CD55: variants seen among roughly 807,000 people sequenced by gnomAD.
CD55 encodes CD55 molecule (Cromer blood group).
A neutral mutation model predicts 45.8 loss-of-function variants in CD55; 41 were observed. The observed-to-expected ratio is 0.90, with a 90% CI of 0.70 to 1.16. CD55 has a LOEUF of 1.16. Ranked by LOEUF, CD55 falls within the 50% of genes most tolerant of loss-of-function variation. CD55 has a pLI of 0.00. For synonymous variants in CD55, 181 were observed against 181.1 expected (o/e 1.00, Z 0.01); for missense variants, 416 against 469.8 (o/e 0.89, Z 1.06).
rs531436436 is a variant in CD55 at position 207,324,330 on chromosome 1, ATG to A, written c.287-223_287-222del. Among the ~76,000 whole-genome samples, 212 of 151,652 alleles carry A rather than the reference ATG, an allele frequency of 1.4e-3. 1 individual carries two copies. The highest frequency in any genetic ancestry group is 4.0e-3 in the African/African-American group (167 of 41,338). ...TTTTTTTTTAAGTGGGGATAGTGAT[ATG>A]TGTGTACCAACTCTACTTCCTAAGC... On this transcript the variant is annotated intron_variant, in intron 2 of 9. Coordinates refer to ENST00000367064, the MANE Select transcript of CD55 (RefSeq NM_000574.5).
chr1:207,353,642 A>T (rs1655972440), intron 9 of CD55, among the ~76,000 whole-genome samples: 1 of 152,200 alleles, frequency 6.6e-6, no homozygotes. Context: ...AAGTCAGATA[A>T]TATAATCATA....
Position 207,324,542 on chromosome 1 carries a change from T to C in CD55, c.287-17T>C. 1 of 1,514,462 alleles carries C rather than the reference T, an allele frequency of 6.6e-7. No homozygotes were observed. Among genetic ancestry groups the C allele is most frequent in the East Asian group, 2.3e-5 (1 of 42,818 alleles). 93.8% of individuals were successfully genotyped at this position (1,514,462 alleles called of 1,614,324 possible). On this transcript the variant is annotated splice_polypyrimidine_tract_variant and intron_variant, in intron 2 of 9. Coordinates refer to ENST00000367064, the MANE Select transcript of CD55 (RefSeq NM_000574.5). ...TGATACTACATTTTTTGTTGCTGCT[T>C]TTGTTAATACTTTTAGGTAGCTGCG...
intron 9 of CD55, among the ~76,000 whole-genome samples, chr1:207,343,085 T>C (rs1170462078): frequency 6.6e-6 from 1 of 152,126 alleles, no homozygotes; most frequent in Admixed American, 6.5e-5. Context: ...TCTCTTTTTT[T>C]CTTGGTTAGT....
intron 9 of CD55, among the ~76,000 whole-genome samples, chr1:207,342,561 A>G (rs1452947240): frequency 6.6e-6 from 1 of 152,096 alleles, no homozygotes; most frequent in African/African-American, 2.4e-5. Flanking sequence ...TGGTCTTGGC[A>G]TACTAATTTT....
chr1:207,333,790 C>G (rs529173304), intron 6 of CD55, among the ~76,000 whole-genome samples: 2 of 152,020 alleles, frequency 1.3e-5, no homozygotes, highest in African/African-American at 4.8e-5. Context: ...GAGCAGGAAA[C>G]AGTATTAGGA....
intron 8 of CD55, among the ~76,000 whole-genome samples, chr1:207,339,000 A>G (rs112194181): frequency 3.9e-5 from 6 of 152,216 alleles, no homozygotes; most frequent in Middle Eastern, 3.4e-3. Flanking sequence ...TTGAGTTTTG[A>G]TATAGTCTGC....
chr1:207,344,983 T>C (rs1412155049), intron 9 of CD55, among the ~76,000 whole-genome samples: 1 of 152,200 alleles, frequency 6.6e-6, no homozygotes, highest in East Asian at 1.9e-4. Flanking sequence ...CCCAAAGTGC[T>C]GGGATTACAG....
intron 9 of CD55, among the ~76,000 whole-genome samples, chr1:207,345,811 A>T (rs1251441754): frequency 6.6e-6 from 1 of 152,208 alleles, no homozygotes; most frequent in East Asian, 1.9e-4. Context: ...TGCATGCAGT[A>T]GTGTAGTTTC....
intron 9 of CD55, among the ~76,000 whole-genome samples, chr1:207,350,821 G>A (rs1019703192): frequency 6.6e-6 from 1 of 151,914 alleles, no homozygotes; most frequent in African/African-American, 2.4e-5. Context: ...TTGATCTTTT[G>A]TATGGATTTT....
In CD55 at chr1:207,322,506, G is replaced by A. The variant is rs1334596014; in HGVS notation, c.225G>A (p.Glu75=). 3 of 1,614,216 alleles carry A rather than the reference G, an allele frequency of 1.9e-6. No individual in the cohort carries two copies. Among genetic ancestry groups the A allele is most frequent in the East Asian group, 2.2e-5 (1 of 44,884 alleles). The stretch of plus-strand genomic sequence containing the variant: ...AAAGCTTTGTGAAAATTCCTGGCGA[G>A]AAGGACTCAGTGATCTGCCTTAAGG... ...CEESFVKIPG[E]KDSVICLKGS... Residue 75 remains glutamate, a synonymous_variant, in exon 2 of 10, where the codon GAG becomes GAA. Coordinates refer to ENST00000367064, the MANE Select transcript of CD55 (RefSeq NM_000574.5).
intron 6 of CD55, among the ~76,000 whole-genome samples, chr1:207,334,212 C>T (rs1241833381): frequency 7.2e-5 from 11 of 152,014 alleles, no homozygotes; most frequent in Admixed American, 2.6e-4. Flanking sequence ...ATGATGCAAA[C>T]CAAAAGACAA....
At position 207,359,984 on chromosome 1, in the gene CD55, G is replaced by T; in HGVS notation, c.*374G>T. ...TCCACTTATAAAGGAAATAAAAAAT[G>T]AAAAACATTATTTGGATATCAAAAG... is the stretch of plus-strand genomic sequence containing the variant. On this transcript the variant is annotated 3_prime_UTR_variant, in exon 10 of 10. Coordinates refer to ENST00000367064, the MANE Select transcript of CD55 (RefSeq NM_000574.5). 6.1e-6 allele frequency: 1 copy of T among 165,186 alleles called. No individual in the cohort carries two copies. The highest frequency in any genetic ancestry group is 1.3e-5 in the Non-Finnish European group (1 of 76,966). The allele number at this position is 165,186 out of a possible 1,614,324, so 10.2% of individuals were successfully genotyped here.
At chr1:207,344,556 G>A (rs1243363199) in intron 9 of CD55, among the ~76,000 whole-genome samples, 1 of 151,972 alleles carries the variant, frequency 6.6e-6, no homozygotes, top group African/African-American at 2.4e-5. Context: ...ATATCATCCC[G>A]TTCTCTCCTG....
intron 9 of CD55, among the ~76,000 whole-genome samples, chr1:207,350,450 T>C (rs1327160201): frequency 1.3e-5 from 2 of 152,132 alleles, no homozygotes; most frequent in Admixed American, 1.3e-4. Context: ...GTTTGTATGT[T>C]TGGTGGAATT....
chr1:207,329,834 A>G (rs936264440), intron 5 of CD55, among the ~76,000 whole-genome samples: 7 of 151,660 alleles, frequency 4.6e-5, no homozygotes, highest in Non-Finnish European at 1.0e-4. Flanking sequence ...CTGGTCTCGA[A>G]CTCCTGGGCT....
intron 5 of CD55, among the ~76,000 whole-genome samples, chr1:207,328,604 G>A (rs1199536026): frequency 6.6e-6 from 1 of 152,174 alleles, no homozygotes; most frequent in Non-Finnish European, 1.5e-5. Flanking sequence ...GGACCTGTTT[G>A]CTTATCTCTC....
chr1:207,353,346 G>T (rs2102441523), intron 9 of CD55, among the ~76,000 whole-genome samples: 1 of 151,998 alleles, frequency 6.6e-6, no homozygotes, highest in African/African-American at 2.4e-5. Flanking sequence ...TCAATTTAAA[G>T]AATAATAAAT....
intron 9 of CD55, among the ~76,000 whole-genome samples, chr1:207,349,386 T>C (rs751600892): frequency 3.3e-5 from 5 of 152,126 alleles, no homozygotes; most frequent in Admixed American, 6.5e-5. Flanking sequence ...TTTCACCATG[T>C]TGGCCAAGCT....
At position 207,321,795 on chromosome 1, in the gene CD55, G is replaced by A; in HGVS notation, c.30G>A (p.Ala10=). 6.6e-7 allele frequency: 1 copy of A among 1,523,610 alleles called. No homozygotes were observed. The allele number at this position is 1,523,610 out of a possible 1,614,324, so 94.4% of individuals were successfully genotyped here. A position where few individuals can be genotyped will look rare whatever the true frequency, so the allele number is the denominator to read the frequency against. Residue 10 remains alanine, a synonymous_variant, in exon 1 of 10, where the codon GCG becomes GCA. Coordinates refer to ENST00000367064, the MANE Select transcript of CD55 (RefSeq NM_000574.5). ...CCGTCGCGCGGCCGAGCGTGCCCGC[G>A]GCGCTGCCCCTCCTCGGGGAGCTGC... MTVARPSVP[A]ALPLLGELPR...
Sources: allele counts gnomAD v4.1 joint callset (sites outside exome capture counted in the v4.1 genomes callset), GRCh38; gene constraint gnomAD v4.1.1; transcripts MANE v1.5; gene names NCBI Gene and HGNC (gene_info 2026-07-23, HGNC 2026-07-21).